The following AP2A2 variants were observed in gnomAD, a reference collection of about 807,000 sequenced individuals.
AP2A2 encodes the protein adaptor related protein complex 2 subunit alpha 2.
In AP2A2, 32 loss-of-function variants were observed where a neutral mutation model predicts 104.2. That is an observed-to-expected ratio of 0.31 (90% confidence interval 0.23 to 0.41). The LOEUF (loss-of-function observed/expected upper bound fraction) is 0.41. Among genes scored for constraint, AP2A2 ranks in the 10% least tolerant of loss-of-function variants. The pLI is 1.00. For missense variants in AP2A2, 912 were observed against 1,261.0 expected, an observed-to-expected ratio of 0.72 and a Z score of 4.19; for synonymous variants, 539 against 533.3, an observed-to-expected ratio of 1.01 and a Z score of -0.15.
chr11:957,212 C>T lies in AP2A2; in HGVS notation c.68-2225C>T, dbSNP rs1419902620. Among the ~76,000 whole-genome samples, 6 of 152,210 alleles carry T rather than the reference C, an allele frequency of 3.9e-5. No homozygotes were observed. In the East Asian group the frequency reaches 1.2e-3, roughly 29 times the overall value. ...GGTGCAGGTGACGTGATGCGTAGGG[C>T]ATGGTACCGGGCCATGGCCGCTCCA... On this transcript the variant is annotated intron_variant, in intron 1 of 21. Coordinates refer to ENST00000448903, the MANE Select transcript of AP2A2 (RefSeq NM_012305.4).
chr11:932,204 C>A (rs184668036), intron 1 of AP2A2, among the ~76,000 whole-genome samples: 1 of 152,204 alleles, frequency 6.6e-6, no homozygotes, highest in South Asian at 2.1e-4. Flanking sequence ...CCACCTGCCT[C>A]GGCCTCCCAA....
intron 18 of AP2A2, 185 bp from the exon 19 acceptor site, chr11:1,008,915 C>T: frequency 3.3e-6 from 2 of 603,508 alleles, no homozygotes; most frequent in Non-Finnish European, 5.9e-6. Flanking sequence ...GCCTGTCCTC[C>T]TGTCTGTGGG....
chr11:998,981 C>T (rs965083189), intron 14 of AP2A2, among the ~76,000 whole-genome samples: 3 of 152,140 alleles, frequency 2.0e-5, no homozygotes, highest in Non-Finnish European at 2.9e-5. Context: ...TGTGAGCCAC[C>T]GTGCCAGGCT....
chr11:1,001,658 G>C (rs569353620), intron 15 of AP2A2, among the ~76,000 whole-genome samples: 2 of 152,214 alleles, frequency 1.3e-5, no homozygotes, highest in African/African-American at 4.8e-5. Flanking sequence ...GAGTCGCTGT[G>C]TTTGAGATTG....
Position 984,659 on chromosome 11 carries a change from A to G in AP2A2, c.720A>G (p.Ala240=), listed in dbSNP as rs1356874067. The change falls in exon 7 of 22, where the codon GCA becomes GCG. Residue 240 remains alanine (A), a synonymous_variant. Transcript: ENST00000448903. ...CTGTCTTACAGATCGTGACGTCTGCATCCACAGATCTCCAGGATTACACTT... is the reference window on the plus strand; with the variant it reads ...CTGTCTTACAGATCGTGACGTCTGCGTCCACAGATCTCCAGGATTACACTT... ...VSRLSRIVTS[A]STDLQDYTYY... is the part of the protein sequence containing the mutation. 1.9e-6 allele frequency: 3 copies of G among 1,612,778 alleles called. No homozygotes were observed. Among genetic ancestry groups the G allele is most frequent in the Non-Finnish European group, 8.5e-7 (1 of 1,178,978 alleles).
rs1268693038 is a variant in AP2A2 at position 1,010,760 on chromosome 11, A to AC, written c.*137dup. ...GCGCCTCCCCGCCCCGCCGCCCCAC[A>AC]CCTCTCCCCTTTGGGCTGGACGGGA... On this transcript the variant is annotated 3_prime_UTR_variant, in exon 22 of 22. Transcript: ENST00000448903. 1.3e-6 allele frequency: 1 copy of AC among 749,902 alleles called. No individual in the cohort carries two copies. Among genetic ancestry groups the AC allele is most frequent in the Non-Finnish European group, 2.3e-6 (1 of 427,562 alleles). The allele number at this position is 749,902 out of a possible 1,614,324, so 46.5% of individuals were successfully genotyped here. A position where few individuals can be genotyped will look rare whatever the true frequency, so the allele number is the denominator to read the frequency against.
chr11:995,431 C>G (rs1287541272), intron 14 of AP2A2: 14 of 455,676 alleles, frequency 3.1e-5, no homozygotes, highest in South Asian at 2.2e-4. Context: ...CTGTCGGGGT[C>G]AGGCGGGCTT....
At chr11:999,973 T>G (rs973285064) in intron 14 of AP2A2, among the ~76,000 whole-genome samples, 8 of 151,800 alleles carry the variant, frequency 5.3e-5, no homozygotes, top group African/African-American at 1.9e-4. Flanking sequence ...CCGGCTAATT[T>G]TTTTTGTATT....
Position 993,870 on chromosome 11 carries a change from C to T in AP2A2, c.1667C>T (p.Pro556Leu). The change falls in exon 13 of 22, where the codon CCC becomes CTC. Residue 556 changes from proline to leucine, a missense_variant. Transcript: ENST00000448903. The surrounding 1 kb of genome is among the most constrained non-coding windows in gnomAD (Gnocchi z 8.2). ...KFVNLFPEVK[P>L]TIQDVLRSDS... Reference sequence around the variant, plus strand: ...GTGAACCTCTTCCCGGAGGTGAAGCCCACCATCCAGGACGTGCTGCGCAGC... The same window carrying T: ...GTGAACCTCTTCCCGGAGGTGAAGCTCACCATCCAGGACGTGCTGCGCAGC... 1 of 1,610,274 alleles carries T rather than the reference C, an allele frequency of 6.2e-7. No individual in the cohort carries two copies. The highest frequency in any genetic ancestry group is 8.5e-7 in the Non-Finnish European group (1 of 1,179,706).
chr11:926,174 A>G, intron 1 of AP2A2, 86 bp downstream of exon 1: 1 of 820,518 alleles, frequency 1.2e-6, no homozygotes, highest in Non-Finnish European at 1.5e-6. Flanking sequence ...CGGGGCCTCG[A>G]GGCGGGGGTG....
chr11:970,490 C>T (rs7396059), intron 3 of AP2A2, among the ~76,000 whole-genome samples, 179 bp downstream of exon 3: 1 of 152,054 alleles, frequency 6.6e-6, no homozygotes, highest in African/African-American at 2.4e-5. Context: ...CAACACCCTG[C>T]GGGCCCCCTT....
At position 948,887 on chromosome 11, in the gene AP2A2, A is replaced by G. The variant is rs115711848; in HGVS notation, c.68-10550A>G. ...TCTCAAAGGAAAACCCAAAAACTGA[A>G]AAACAAGATCTTGTCACAAGAATAA... On this transcript the variant is annotated intron_variant, in intron 1 of 21. Transcript: ENST00000448903. Among the ~76,000 whole-genome samples, 1,176 of 152,210 alleles carry G rather than the reference A, an allele frequency of 7.7e-3. 23 individuals carry two copies. Among genetic ancestry groups the G allele is most frequent in the African/African-American group, 0.027 (1,102 of 41,522 alleles).
intron 1 of AP2A2, among the ~76,000 whole-genome samples, chr11:931,606 G>A (rs1014131418): frequency 6.6e-6 from 1 of 152,114 alleles, no homozygotes; most frequent in African/African-American, 2.4e-5. Flanking sequence ...GCTTGGAGGC[G>A]TTTTCTTTAA....
intron 5 of AP2A2, among the ~76,000 whole-genome samples, chr11:979,970 A>G (rs1855186222): frequency 1.3e-5 from 2 of 152,270 alleles, no homozygotes; most frequent in Admixed American, 6.5e-5. Flanking sequence ...TTATATAATT[A>G]AAGTCTTTTT....
intron 14 of AP2A2, among the ~76,000 whole-genome samples, chr11:997,344 G>A (rs1462529442): frequency 6.6e-6 from 1 of 152,144 alleles, no homozygotes; most frequent in Admixed American, 6.5e-5. Context: ...AGGAGCCTGG[G>A]GCCCTTGTAG....
intron 4 of AP2A2, among the ~76,000 whole-genome samples, chr11:973,487 C>T (rs1031399751): frequency 2.6e-5 from 4 of 152,120 alleles, no homozygotes; most frequent in Non-Finnish European, 4.4e-5. Context: ...TATTCAGAAG[C>T]GCAAGAGCTC....
chr11:953,637 GC>G, intron 1 of AP2A2, among the ~76,000 whole-genome samples: 1 of 148,332 alleles, frequency 6.7e-6, no homozygotes, highest in East Asian at 2.0e-4. Context: ...GCCTCCGTCT[GC>G]CTCCGTCTGC....
chr11:962,353 A>G (rs544850387), intron 2 of AP2A2, among the ~76,000 whole-genome samples: 2 of 152,238 alleles, frequency 1.3e-5, no homozygotes, highest in African/African-American at 4.8e-5. Flanking sequence ...TGAAGATGAA[A>G]TTCGAATGGG....
At chr11:948,058 C>G (rs1228090520) in intron 1 of AP2A2, among the ~76,000 whole-genome samples, 1 of 152,024 alleles carries the variant, frequency 6.6e-6, no homozygotes, top group African/African-American at 2.4e-5. Flanking sequence ...CTGTAAATAC[C>G]TACATTAAAA....
Sources: allele counts gnomAD v4.1 joint callset (sites outside exome capture counted in the v4.1 genomes callset), GRCh38; gene constraint gnomAD v4.1.1; non-coding constraint Gnocchi (gnomAD v3.1); transcripts MANE v1.5; gene names NCBI Gene and HGNC (gene_info 2026-07-23, HGNC 2026-07-21).